The following SNX13 variants were observed in gnomAD, a reference collection of about 807,000 sequenced individuals.
SNX13 encodes the protein sorting nexin 13, also known as sorting nexin-13.
Under a neutral mutation model 133.6 loss-of-function variants are expected in SNX13, and 45 were observed. That is an observed-to-expected ratio of 0.34 (90% CI 0.27 to 0.43). SNX13 has a LOEUF of 0.43. Among genes scored for constraint, SNX13 ranks in the 20% least tolerant of loss-of-function variants. The probability of loss-of-function intolerance (pLI) is 1.00; values close to 1 mark genes in which losing one functional copy is unlikely to be tolerated. For synonymous variants in SNX13, 414 were observed against 373.9 expected (o/e 1.11, Z -1.24); for missense variants, 1,032 against 1,145.1 (o/e 0.90, Z 1.43).
chr7:17,819,474 A>C (rs1032907150), intron 18 of SNX13, among the ~76,000 whole-genome samples: 1 of 152,064 alleles, frequency 6.6e-6, no homozygotes, highest in Non-Finnish European at 1.5e-5. Flanking sequence ...CAATCTGCCC[A>C]CCTCAGCCTC....
At chr7:17,884,980 G>A (rs1308764276) in intron 5 of SNX13, among the ~76,000 whole-genome samples, 3 of 152,124 alleles carry the variant, frequency 2.0e-5, no homozygotes, top group Non-Finnish European at 4.4e-5. Flanking sequence ...ATACAATCCA[G>A]AAATTATATT....
chr7:17,867,417 G>C (rs193033281), intron 9 of SNX13, among the ~76,000 whole-genome samples: 2 of 152,082 alleles, frequency 1.3e-5, no homozygotes, highest in East Asian at 3.9e-4. Context: ...GACTGGCTAG[G>C]GCTACATAGC....
intron 9 of SNX13, chr7:17,868,185 C>A: frequency 4.4e-6 from 2 of 459,436 alleles, no homozygotes; most frequent in East Asian, 3.9e-5. Flanking sequence ...GTAGTAGCAC[C>A]ATAACCGCAA....
At chr7:17,854,908 G>A (rs1791697792) in intron 9 of SNX13, among the ~76,000 whole-genome samples, 1 of 151,966 alleles carries the variant, frequency 6.6e-6, no homozygotes, top group African/African-American at 2.4e-5. Flanking sequence ...AGCTTAGCCA[G>A]GAAAATGTAT....
intron 1 of SNX13, among the ~76,000 whole-genome samples, 159 bp from the exon 2 acceptor site, chr7:17,897,605 T>C (rs1485149772): frequency 6.6e-6 from 1 of 152,270 alleles, no homozygotes; most frequent in African/African-American, 2.4e-5. Context: ...ACTTGAAAAT[T>C]TATCTCCACA....
chr7:17,931,009 G>A (rs187423715), intron 1 of SNX13, among the ~76,000 whole-genome samples: 3 of 152,216 alleles, frequency 2.0e-5, no homozygotes, highest in East Asian at 1.9e-4. Flanking sequence ...CCACAAAACC[G>A]GTCCCTTGGT....
At chr7:17,826,471 T>C (rs985018172) in intron 16 of SNX13, among the ~76,000 whole-genome samples, 7 of 152,044 alleles carry the variant, frequency 4.6e-5, no homozygotes, top group African/African-American at 1.2e-4. Context: ...ACCAGCTCTG[T>C]AGTTTTTAGC....
chr7:17,871,037 G>C (rs1285954451), intron 8 of SNX13, among the ~76,000 whole-genome samples: 1 of 151,492 alleles, frequency 6.6e-6, no homozygotes, highest in Admixed American at 6.6e-5. Flanking sequence ...AGGGAGTCTG[G>C]CTCTGTCGCC....
chr7:17,850,737 AG>A (rs1791103513), intron 10 of SNX13, 88 bp downstream of exon 10: 1 of 1,070,316 alleles, frequency 9.3e-7, no homozygotes, highest in African/African-American at 1.6e-5. Context: ...CATTAATATC[AG>A]AAAATGACAT....
intron 5 of SNX13, among the ~76,000 whole-genome samples, chr7:17,884,201 T>A (rs1218009662): frequency 1.3e-5 from 2 of 152,362 alleles, no homozygotes; most frequent in East Asian, 3.9e-4. Context: ...ATTGTGACTA[T>A]GTATGCACAG....
At chr7:17,814,641 AATTATAATC>A (rs1213238390) in intron 20 of SNX13, among the ~76,000 whole-genome samples, 184 bp downstream of exon 20, 3 of 152,174 alleles carry the variant, frequency 2.0e-5, no homozygotes, top group African/African-American at 7.2e-5. Context: ...GCGTCTGCTG[AATTATAATC>A]AACATGTCAA....
intron 5 of SNX13, among the ~76,000 whole-genome samples, chr7:17,884,184 T>C (rs1032966663): frequency 2.6e-5 from 4 of 152,224 alleles, no homozygotes; most frequent in Non-Finnish European, 5.9e-5. Context: ...TTTTTAGCTA[T>C]ATAAAAATTG....
chr7:17,897,273 T>G, intron 2 of SNX13, 61 bp downstream of exon 2: 1 of 894,584 alleles, frequency 1.1e-6, no homozygotes, highest in Non-Finnish European at 1.6e-6. Context: ...TCTCAGTCAT[T>G]TGTTTCCATT....
At chr7:17,921,805 A>G (rs1415568397) in intron 1 of SNX13, among the ~76,000 whole-genome samples, 2 of 152,252 alleles carry the variant, frequency 1.3e-5, no homozygotes, top group African/African-American at 4.8e-5. Context: ...GAAGTTCCCC[A>G]GATGATTGCA....
intron 1 of SNX13, among the ~76,000 whole-genome samples, chr7:17,911,614 G>A (rs1033255059): frequency 4.1e-5 from 6 of 145,752 alleles, no homozygotes; most frequent in African/African-American, 1.6e-4. Context: ...CTCCAGCCAC[G>A]GCAACAGAGC....
chr7:17,805,268 T>TGCGC (rs1554304462), intron 20 of SNX13, among the ~76,000 whole-genome samples: 1 of 69,240 alleles, frequency 1.4e-5, no homozygotes. Context: ...CGCGCGCGCA[T>TGCGC]GCATGCACAT....
At chr7:17,831,800 G>A (rs1322713820) in intron 15 of SNX13, 1 of 982,968 alleles carries the variant, frequency 1.0e-6, no homozygotes, top group Non-Finnish European at 1.2e-6. Context: ...AAAGTGGAAA[G>A]GCCTATTTTT....
intron 9 of SNX13, among the ~76,000 whole-genome samples, chr7:17,854,835 A>G (rs1001363103): frequency 2.6e-5 from 4 of 152,214 alleles, no homozygotes; most frequent in Admixed American, 1.3e-4. Flanking sequence ...TGAACTCTTA[A>G]GCGTTCAAGC....
At chr7:17,869,931 G>C (rs972624053) in intron 8 of SNX13, among the ~76,000 whole-genome samples, 2 of 151,680 alleles carry the variant, frequency 1.3e-5, no homozygotes, top group East Asian at 3.9e-4. Context: ...TTCAAAAGGA[G>C]AAAAAAACAC....
Sources: allele counts gnomAD v4.1 joint callset (sites outside exome capture counted in the v4.1 genomes callset), GRCh38; gene constraint gnomAD v4.1.1; transcripts MANE v1.5; gene names NCBI Gene and HGNC (gene_info 2026-07-23, HGNC 2026-07-21).